Variants in TOX observed in about 807,000 individuals in gnomAD.
The protein encoded by TOX is thymocyte selection associated high mobility group box, also known as thymocyte selection-associated high mobility group box protein TOX.
Under a neutral mutation model 53.7 loss-of-function variants are expected in TOX, and 11 were observed. The ratio of observed to expected loss-of-function variants is 0.20; its 90% confidence interval spans 0.13 to 0.34. The LOEUF (loss-of-function observed/expected upper bound fraction) is 0.34. Among genes scored for constraint, TOX ranks in the 10% least tolerant of loss-of-function variants. The pLI is 1.00. For missense variants in TOX, 570 were observed against 664.6 expected (o/e 0.86, Z 1.56); for synonymous variants, 225 against 245.3 (o/e 0.92, Z 0.77).
At chr8:58,908,600 T>G (rs140881354) in intron 3 of TOX, among the ~76,000 whole-genome samples, 385 of 152,344 alleles carry the variant, frequency 2.5e-3, no homozygotes, top group Middle Eastern at 0.01. Context: ...TTAAGCAATT[T>G]GTTTATCCCT....
chr8:59,027,254 G>A (rs1435265320), intron 1 of TOX, among the ~76,000 whole-genome samples: 3 of 152,106 alleles, frequency 2.0e-5, no homozygotes, highest in Admixed American at 2.0e-4. Flanking sequence ...TTTTATAAAA[G>A]CATATAACAT....
intron 1 of TOX, among the ~76,000 whole-genome samples, chr8:59,009,538 A>C (rs1813860193): frequency 6.6e-6 from 1 of 151,822 alleles, no homozygotes; most frequent in East Asian, 1.9e-4. Flanking sequence ...ACACCTGGCT[A>C]ATTTTTGTAC....
intron 1 of TOX, among the ~76,000 whole-genome samples, chr8:59,070,851 A>G (rs1804186566): frequency 6.6e-6 from 1 of 152,234 alleles, no homozygotes; most frequent in African/African-American, 2.4e-5. Context: ...CAATTACCTC[A>G]GAGGGGAATG....
chr8:59,084,964 T>C (rs1056429549), intron 1 of TOX, among the ~76,000 whole-genome samples: 1 of 152,230 alleles, frequency 6.6e-6, no homozygotes, highest in South Asian at 2.1e-4. Flanking sequence ...GGATATTCTG[T>C]AGTAGTAAGT....
chr8:58,998,531 A>T (rs1306937159), intron 1 of TOX, among the ~76,000 whole-genome samples: 1,133 of 22,672 alleles, frequency 0.05, 21 homozygotes, highest in Non-Finnish European at 0.078. Context: ...ATATATATAT[A>T]TATATATAAA....
At chr8:58,904,863 G>C (rs1811786911) in intron 3 of TOX, among the ~76,000 whole-genome samples, 1 of 152,188 alleles carries the variant, frequency 6.6e-6, no homozygotes, top group African/African-American at 2.4e-5. Flanking sequence ...GCTGCAGAGG[G>C]AATAGAACAT....
intron 3 of TOX, among the ~76,000 whole-genome samples, chr8:58,858,946 T>G (rs1254682409): frequency 6.6e-6 from 1 of 152,200 alleles, no homozygotes; most frequent in African/African-American, 2.4e-5. Context: ...AGTCCCCAAT[T>G]TGATTACATA....
intron 3 of TOX, among the ~76,000 whole-genome samples, chr8:58,923,601 T>C (rs983274651): frequency 6.6e-6 from 1 of 152,218 alleles, no homozygotes; most frequent in Non-Finnish European, 1.5e-5. Context: ...AGGTAGCTTT[T>C]CCTGATTCCT....
At chr8:58,887,704 C>T (rs1308109094) in intron 3 of TOX, among the ~76,000 whole-genome samples, 2 of 151,876 alleles carry the variant, frequency 1.3e-5, no homozygotes, top group Admixed American at 1.3e-4. Flanking sequence ...TTCTGTTTTG[C>T]TTGCTATTTT....
intron 4 of TOX, among the ~76,000 whole-genome samples, chr8:58,848,046 G>C (rs1043353938): frequency 1.3e-5 from 2 of 152,014 alleles, no homozygotes; most frequent in East Asian, 3.8e-4. Context: ...AATTAAAATA[G>C]TGTTTCATGA....
chr8:58,853,622 T>A (rs1415633939), intron 3 of TOX, among the ~76,000 whole-genome samples: 3 of 152,190 alleles, frequency 2.0e-5, no homozygotes, highest in African/African-American at 7.2e-5. Context: ...AGCAGCTGAT[T>A]CAACATTTTA....
At chr8:59,025,520 G>A (rs73254455) in intron 1 of TOX, among the ~76,000 whole-genome samples, 2,329 of 152,090 alleles carry the variant, frequency 0.015, 57 homozygotes, top group African/African-American at 0.053. Flanking sequence ...AGCATAAAGG[G>A]ATCCCAACCT....
intron 1 of TOX, among the ~76,000 whole-genome samples, chr8:59,085,238 C>T (rs533201894): frequency 2.3e-4 from 35 of 152,294 alleles, no homozygotes; most frequent in Middle Eastern, 3.4e-3. Context: ...ATTCCAATGC[C>T]ACAATTTTTA....
intron 1 of TOX, among the ~76,000 whole-genome samples, chr8:59,047,462 C>T (rs1184641143): frequency 1.3e-5 from 2 of 151,700 alleles, no homozygotes; most frequent in African/African-American, 4.8e-5. Context: ...CTCCTGACCT[C>T]GTGATCCGCC....
At chr8:59,066,276 T>C (rs1028556750) in intron 1 of TOX, among the ~76,000 whole-genome samples, 2 of 152,174 alleles carry the variant, frequency 1.3e-5, no homozygotes, top group East Asian at 3.8e-4. Context: ...TAAGTCACAG[T>C]TAAAGGCTTG....
chr8:59,062,410 GAGA>G (rs145910298), intron 1 of TOX, among the ~76,000 whole-genome samples: 2,055 of 152,314 alleles, frequency 0.013, 14 homozygotes, highest in Middle Eastern at 0.034. Flanking sequence ...TGGTGGCTGA[GAGA>G]AGATTACTCA....
At chr8:59,081,463 C>T (rs185418714) in intron 1 of TOX, among the ~76,000 whole-genome samples, 3 of 152,196 alleles carry the variant, frequency 2.0e-5, no homozygotes, top group Non-Finnish European at 4.4e-5. Context: ...CTTGCAACTC[C>T]CTGAGCAATA....
chr8:59,087,759 T>G (rs1804538609), intron 1 of TOX, among the ~76,000 whole-genome samples: 1 of 152,242 alleles, frequency 6.6e-6, no homozygotes, highest in Admixed American at 6.5e-5. Context: ...CCTCTCTGCA[T>G]GCAAGCTGCC....
At chr8:58,941,994 G>A (rs902889298) in intron 2 of TOX, among the ~76,000 whole-genome samples, 20 of 150,958 alleles carry the variant, frequency 1.3e-4, no homozygotes, top group African/African-American at 7.3e-5. Context: ...CGGAGGTTGC[G>A]GTGAGCTGAG....
Sources: allele counts gnomAD v4.1 joint callset (sites outside exome capture counted in the v4.1 genomes callset), GRCh38; gene constraint gnomAD v4.1.1; transcripts MANE v1.5; gene names NCBI Gene and HGNC (gene_info 2026-07-23, HGNC 2026-07-21).